HOXB3: variants seen among roughly 807,000 people sequenced by gnomAD.
HOXB3 encodes the protein homeobox protein Hox-B3.
In HOXB3, 17 loss-of-function variants were observed where a neutral mutation model predicts 29.2. That is an observed-to-expected ratio of 0.58 (90% CI 0.40 to 0.87). The LOEUF (loss-of-function observed/expected upper bound fraction) is 0.87, where lower values mean the gene tolerates loss of function less well. Among genes scored for constraint, HOXB3 ranks in the 40% least tolerant of loss-of-function variants. HOXB3 has a pLI of 0.00. For synonymous variants in HOXB3, 317 were observed against 285.9 expected (o/e 1.11, Z -1.10); for missense variants, 637 against 616.3 (o/e 1.03, Z -0.35).
intron 1 of HOXB3, among the ~76,000 whole-genome samples, chr17:48,577,358 G>A (rs1450466069): frequency 6.6e-6 from 1 of 152,138 alleles, no homozygotes; most frequent in African/African-American, 2.4e-5. Flanking sequence ...GGGAGGGGAG[G>A]TTTCCCTAAA....
rs568808854 is a variant in HOXB3 at position 48,570,845 on chromosome 17, C to T, written c.-247+2992G>A. On this transcript the variant is annotated intron_variant, in intron 2 of 4. Transcript: ENST00000498678. ...CTGATCCCGATGTGGGCCCTGCTCC[C>T]GGCTCCAGCGAGGGCAACTCCCTGA... Among the ~76,000 whole-genome samples the T allele has an allele frequency of 2.6e-4, 40 of 152,284 alleles. No individual in the cohort carries two copies. In the South Asian group the frequency reaches 4.8e-3, roughly 18 times the overall value.
chr17:48,558,915 C>G (rs1463953853), intron 2 of HOXB3, among the ~76,000 whole-genome samples: 1 of 150,830 alleles, frequency 6.6e-6, no homozygotes, highest in Non-Finnish European at 1.5e-5. Context: ...TGTGTGTGCC[C>G]ATGTGTGTAG....
rs763638422 is a variant in HOXB3, at chr17:48,551,147, G to GCCGCCGCCA, written c.474_482dup (p.Gly162_Gly164dup). ...CCCCGCTGCCACCACTGCCTCCGCC[G>GCCGCCGCCA]CCGCCGCCACCGCCGCCGCCACCAC... is the stretch of plus-strand genomic sequence containing the variant. On this transcript the variant is annotated inframe_insertion, in exon 5 of 5. Coordinates refer to ENST00000498678, the MANE Select transcript of HOXB3 (RefSeq NM_001384749.1). 7.7e-7 allele frequency: 1 copy of GCCGCCGCCA among 1,297,158 alleles called. No homozygotes were observed. Among genetic ancestry groups the GCCGCCGCCA allele is most frequent in the Non-Finnish European group, 9.8e-7 (1 of 1,021,278 alleles). 80.4% of individuals were successfully genotyped at this position (1,297,158 alleles called of 1,614,324 possible). A position where few individuals can be genotyped will look rare whatever the true frequency, so the allele number is the denominator to read the frequency against.
chr17:48,566,153 TG>T (rs915765441), intron 2 of HOXB3, among the ~76,000 whole-genome samples: 4 of 151,920 alleles, frequency 2.6e-5, no homozygotes, highest in African/African-American at 9.7e-5. Context: ...AGCAAATCAG[TG>T]GGGTGGAGGG....
Position 48,550,637 on chromosome 17 carries a change from C to T in HOXB3, c.993G>A (p.Pro331=). ...CGCCCCCGTTGGCTTGGAGGACGTG[C>T]GGCTCATACTCGGGCGCCGGGGTCG... is the stretch of plus-strand genomic sequence containing the variant. ...YPPTPAPEYE[P]HVLQANGGAY... is the part of the protein sequence containing the mutation. The change falls in exon 5 of 5, where the codon CCG becomes CCA. Residue 331 remains proline, a synonymous_variant. Transcript: ENST00000498678. The T allele has an allele frequency of 6.6e-7, 1 of 1,524,200 alleles. No homozygotes were observed. Among genetic ancestry groups the T allele is most frequent in the Non-Finnish European group, 8.8e-7 (1 of 1,139,540 alleles). 94.4% of individuals were successfully genotyped at this position (1,524,200 alleles called of 1,614,324 possible).
At chr17:48,551,869 G>T (rs1157422110) in intron 4 of HOXB3, among the ~76,000 whole-genome samples, 158 bp downstream of exon 4, 1 of 152,146 alleles carries the variant, frequency 6.6e-6, no homozygotes, top group Admixed American at 6.5e-5. Context: ...GGCGGGGTCA[G>T]GGGTCATTAG....
intron 1 of HOXB3, among the ~76,000 whole-genome samples, chr17:48,585,924 C>T (rs2070037506): frequency 6.6e-6 from 1 of 152,154 alleles, no homozygotes; most frequent in Non-Finnish European, 1.5e-5. Context: ...TTTGGTAAGG[C>T]AAAATGGTCT....
intron 1 of HOXB3, among the ~76,000 whole-genome samples, chr17:48,585,044 T>C (rs903490844): frequency 2.6e-5 from 4 of 152,066 alleles, no homozygotes; most frequent in South Asian, 2.1e-4. Flanking sequence ...CAGGGTCTCA[T>C]TCTGCTACGC....
intron 2 of HOXB3, among the ~76,000 whole-genome samples, chr17:48,568,103 C>T: frequency 6.6e-6 from 1 of 152,180 alleles, no homozygotes; most frequent in East Asian, 1.9e-4. Flanking sequence ...AAATATTTGC[C>T]TTCAACTCCA....
chr17:48,554,860 G>A lies in HOXB3; in HGVS notation c.-159+671C>T, dbSNP rs2068900789. ...CGAGGCCTGGCGGACGGGACAGTGGGAAGAGAGAAAGGTGCTAAGGGGACC... is the reference window on the plus strand; with the variant it reads ...CGAGGCCTGGCGGACGGGACAGTGGAAAGAGAGAAAGGTGCTAAGGGGACC... On this transcript the variant is annotated intron_variant, in intron 3 of 4. Coordinates refer to ENST00000498678, the MANE Select transcript of HOXB3 (RefSeq NM_001384749.1). The surrounding 1 kb of genome is among the most constrained non-coding windows in gnomAD (Gnocchi z 4.1). The A allele has an allele frequency of 4.3e-6, 3 of 702,198 alleles. No individual in the cohort carries two copies. The East Asian group carries it at 8.0e-5, about 19-fold the overall frequency. 43.5% of individuals were successfully genotyped at this position (702,198 alleles called of 1,614,324 possible).
At chr17:48,578,021 C>A in intron 1 of HOXB3, 2 of 1,140,626 alleles carry the variant, frequency 1.8e-6, no homozygotes, top group Admixed American at 4.5e-5. Flanking sequence ...GAGGAGGGCC[C>A]CGGCGGGTGG....
chr17:48,568,880 G>A (rs541433223), intron 2 of HOXB3, among the ~76,000 whole-genome samples: 79 of 152,280 alleles, frequency 5.2e-4, no homozygotes, highest in Admixed American at 9.8e-4. Flanking sequence ...ATGGCTATTT[G>A]TCACATTTTA....
At chr17:48,566,033 A>AT (rs2069375633) in intron 2 of HOXB3, among the ~76,000 whole-genome samples, 3 of 152,278 alleles carry the variant, frequency 2.0e-5, no homozygotes, top group African/African-American at 7.2e-5. Context: ...AAACACTGCA[A>AT]TTATATAGAG....
intron 2 of HOXB3, among the ~76,000 whole-genome samples, chr17:48,567,755 C>A (rs868122734): frequency 6.6e-6 from 1 of 152,204 alleles, no homozygotes; most frequent in Non-Finnish European, 1.5e-5. Flanking sequence ...AGAAAAACTT[C>A]GGAGAACTTC....
At position 48,555,596 on chromosome 17, in the gene HOXB3, C is replaced by G; in HGVS notation, c.-224G>C. The G allele has an allele frequency of 1.4e-6, 1 of 702,706 alleles. No homozygotes were observed. Among genetic ancestry groups the G allele is most frequent in the Non-Finnish European group, 2.6e-6 (1 of 384,796 alleles). 43.5% of individuals were successfully genotyped at this position (702,706 alleles called of 1,614,324 possible). A position where few individuals can be genotyped will look rare whatever the true frequency, so the allele number is the denominator to read the frequency against. On this transcript the variant is annotated 5_prime_UTR_variant, in exon 3 of 5. Coordinates refer to ENST00000498678, the MANE Select transcript of HOXB3 (RefSeq NM_001384749.1). ...TATTCACATCGAGCCCCAGAGCGAG[C>G]GGCAGGCGACAAATCTCCCCTCCTT...
At chr17:48,567,181 TC>T (rs2069417072) in intron 2 of HOXB3, among the ~76,000 whole-genome samples, 1 of 152,276 alleles carries the variant, frequency 6.6e-6, no homozygotes, top group African/African-American at 2.4e-5. Flanking sequence ...CCACTGAGAA[TC>T]CCTTGTTAAC....
Position 48,552,441 on chromosome 17 carries a change from C to T in HOXB3, c.34G>A (p.Ala12Thr), listed in dbSNP as rs1319472015. ...QKATYYDNAA[A>T]ALFGGYSSYP... is the part of the protein sequence containing the mutation. ...GAGGAATAGCCTCCGAAGAGAGCAG[C>T]CGCGGCGTTGTCGTAGTAGGTGGCT... Residue 12 changes from alanine (A) to threonine (T), a missense_variant, in exon 4 of 5, where the codon GCT becomes ACT. Ala to Thr is a moderately conservative substitution (Grantham distance 58). Coordinates refer to ENST00000498678, the MANE Select transcript of HOXB3 (RefSeq NM_001384749.1). 3 of 1,588,468 alleles carry T rather than the reference C, an allele frequency of 1.9e-6. No homozygotes were observed. The highest frequency in any genetic ancestry group is 2.6e-6 in the Non-Finnish European group (3 of 1,164,604).
chr17:48,565,589 G>A (rs1191336171), intron 2 of HOXB3, among the ~76,000 whole-genome samples: 2 of 152,192 alleles, frequency 1.3e-5, no homozygotes, highest in Non-Finnish European at 2.9e-5. Flanking sequence ...TTTGAATTGA[G>A]CCTTGCAAAG....
At chr17:48,557,856 C>T (rs1383127071) in intron 2 of HOXB3, among the ~76,000 whole-genome samples, 1 of 152,144 alleles carries the variant, frequency 6.6e-6, no homozygotes, top group African/African-American at 2.4e-5. Flanking sequence ...CCCAAAGAGA[C>T]CTGTTAGGGG....
Sources: gnomAD v4.1 joint callset for allele counts (sites outside exome capture counted in the v4.1 genomes callset) on GRCh38, gnomAD v4.1.1 for gene constraint, Gnocchi (gnomAD v3.1) non-coding constraint, MANE v1.5 for transcripts, NCBI Gene and HGNC (gene_info 2026-07-23, HGNC 2026-07-21) for gene names.